The following DIS3 variants were observed in gnomAD, a reference collection of about 807,000 sequenced individuals.
The protein encoded by DIS3 is DIS3 exosome endoribonuclease and 3'-5' exoribonuclease.
A neutral mutation model predicts 113.0 loss-of-function variants in DIS3; 103 were observed. The observed-to-expected ratio is 0.91, with a 90% CI of 0.78 to 1.07. The LOEUF (loss-of-function observed/expected upper bound fraction) is 1.07, where lower values mean the gene tolerates loss of function less well. DIS3 is among the 50% of genes least tolerant of loss of function. DIS3 has a pLI of 0.00. For synonymous variants in DIS3, 402 were observed against 394.3 expected (o/e 1.02, Z -0.23); for missense variants, 1,121 against 1,167.1 (o/e 0.96, Z 0.58).
rs1358250635 is a variant in DIS3 at position 72,757,514 on chromosome 13, CT to C, written c.*2280del. On this transcript the variant is annotated 3_prime_UTR_variant, in exon 21 of 21. Transcript: ENST00000377767. ...AATCTCGGCTCACTGCAACTTCCGC[CT>C]CCCAGGTTCAAGCGATTCTCCTGCC... 1.3e-5 allele frequency: 2 copies of C among 153,482 alleles called. No individual in the cohort carries two copies. Among genetic ancestry groups the C allele is most frequent in the Non-Finnish European group, 2.9e-5 (2 of 69,294 alleles). 9.5% of individuals were successfully genotyped at this position (153,482 alleles called of 1,614,324 possible). A position where few individuals can be genotyped will look rare whatever the true frequency, so the allele number is the denominator to read the frequency against.
chr13:72,777,331 C>T, intron 4 of DIS3, 89 bp downstream of exon 4: 2 of 1,296,634 alleles, frequency 1.5e-6, no homozygotes, highest in Non-Finnish European at 2.2e-6. Context: ...CACCGACATT[C>T]CAATTTTTAA....
At chr13:72,769,683 T>G (rs535843682) in intron 13 of DIS3, among the ~76,000 whole-genome samples, 7 of 152,324 alleles carry the variant, frequency 4.6e-5, no homozygotes, top group African/African-American at 1.7e-4. Flanking sequence ...TCATATAATT[T>G]TGTTATACTG....
Position 72,774,149 on chromosome 13 carries a change from T to TA in DIS3, c.988-91dup, listed in dbSNP as rs1020828451. The TA allele has an allele frequency of 1.4e-4, 105 of 744,648 alleles. No individual in the cohort carries two copies. The African/African-American group carries it at 1.6e-3, about 11-fold the overall frequency. The allele number at this position is 744,648 out of a possible 1,614,324, so 46.1% of individuals were successfully genotyped here. A position where few individuals can be genotyped will look rare whatever the true frequency, so the allele number is the denominator to read the frequency against. On this transcript the variant is annotated intron_variant, in intron 6 of 20. Transcript: ENST00000377767. ...AAAATCAAAATGCATACATGGATAC[T>TA]AATCCATTCAGGCAGTAAATTATGA...
rs775501581 is a variant in DIS3, at chr13:72,773,962, T to A, written c.1085A>T (p.Lys362Met). 1.5e-5 allele frequency: 24 copies of A among 1,609,538 alleles called. No homozygotes were observed. The South Asian group carries it at 2.0e-4, about 13-fold the overall frequency. Residue 362 changes from lysine (K) to methionine (M), a missense_variant, in exon 7 of 21, where the codon AAG becomes ATG. Lys to Met is a moderately conservative substitution (Grantham distance 95, BLOSUM62 -1). Around this residue, in one of 3 missense-constraint regions of DIS3, gnomAD observed 861 missense variants for 915.5 expected, o/e 0.94. Coordinates refer to ENST00000377767, the MANE Select transcript of DIS3 (RefSeq NM_014953.5). ...TTTACTCACCTCCTTAATGTCAGAC[T>A]TGGAAAGCATGCCACAATATGGTCT... ...NWRPYCGMLSKSDIKESRRHL... is the reference protein window; with the variant it reads ...NWRPYCGMLSMSDIKESRRHL...
intron 14 of DIS3, among the ~76,000 whole-genome samples, chr13:72,767,153 G>A (rs1380785578): frequency 2.0e-5 from 3 of 151,994 alleles, no homozygotes; most frequent in Admixed American, 6.6e-5. Flanking sequence ...GAAGGCAAAA[G>A]ACGGTTTTTT....
In DIS3 at chr13:72,759,825, T is replaced by C. The variant is rs1181473254; in HGVS notation, c.2847A>G (p.Pro949=). 3.1e-6 allele frequency: 5 copies of C among 1,613,242 alleles called. No individual in the cohort carries two copies. The Admixed American group carries it at 5.0e-5, about 16-fold the overall frequency. Residue 949 remains proline (P), a synonymous_variant, in exon 21 of 21, where the codon CCA becomes CCG. Transcript: ENST00000377767. ...TTCCAAGCTTCATCTTCTTTTTCTT[T>C]GGTCCATTAAGGTCCATGTTTGAAG... The part of the protein sequence containing the change: ...TDTSNMDLNG[P]KKKKMKLGK
chr13:72,762,219 G>C, intron 16 of DIS3, 82 bp from the exon 17 acceptor site: 2 of 1,206,958 alleles, frequency 1.7e-6, no homozygotes, highest in South Asian at 1.4e-5. Context: ...TAACTGATCT[G>C]ACTGAACAAA....
chr13:72,760,701 C>T (rs766597422), intron 19 of DIS3, 50 bp from the exon 20 acceptor site: 1 of 1,592,024 alleles, frequency 6.3e-7, no homozygotes, highest in Non-Finnish European at 8.6e-7. Flanking sequence ...ACATTTGAGG[C>T]TTTGTTCTAA....
Position 72,760,522 on chromosome 13 carries a change from G to A in DIS3, c.2793+7C>T. ...TCACAACAAGGAAATTTTAAGTTTGGCCTTACCTGTGGTTCTACCAGGGAC... is the reference window on the plus strand; with the variant it reads ...TCACAACAAGGAAATTTTAAGTTTGACCTTACCTGTGGTTCTACCAGGGAC... On this transcript the variant is annotated splice_region_variant and intron_variant, in intron 20 of 20. Transcript: ENST00000377767. 6.2e-7 allele frequency: 1 copy of A among 1,613,220 alleles called. No homozygotes were observed. Among genetic ancestry groups the A allele is most frequent in the Non-Finnish European group, 8.5e-7 (1 of 1,179,510 alleles).
intron 3 of DIS3, 29 bp from the exon 4 acceptor site, chr13:72,777,522 A>T: frequency 1.2e-6 from 2 of 1,600,472 alleles, no homozygotes; most frequent in Non-Finnish European, 1.7e-6. Context: ...GTTGTTTTTG[A>T]TAAGTGTTTT....
chr13:72,755,943 G>T lies in DIS3; in HGVS notation c.*3852C>A. The T allele has an allele frequency of 2.5e-6, 1 of 398,612 alleles. No homozygotes were observed. The highest frequency in any genetic ancestry group is 4.4e-6 in the Non-Finnish European group (1 of 226,072). The allele number at this position is 398,612 out of a possible 1,614,324, so 24.7% of individuals were successfully genotyped here. Reference sequence around the variant, plus strand: ...CGTGGGTAGGGATGTGGGAGAATAAGAATGTGGGAGAACCAAGAGAAAAAG... The same window carrying T: ...CGTGGGTAGGGATGTGGGAGAATAATAATGTGGGAGAACCAAGAGAAAAAG... On this transcript the variant is annotated 3_prime_UTR_variant, in exon 21 of 21. Coordinates refer to ENST00000377767, the MANE Select transcript of DIS3 (RefSeq NM_014953.5).
chr13:72,776,713 T>C (rs2034026357), intron 4 of DIS3, among the ~76,000 whole-genome samples: 1 of 152,192 alleles, frequency 6.6e-6, no homozygotes, highest in Admixed American at 6.5e-5. Flanking sequence ...ACATTATATA[T>C]TTATATATAA....
intron 14 of DIS3, among the ~76,000 whole-genome samples, chr13:72,766,597 G>A (rs1342852070): frequency 1.3e-5 from 2 of 152,144 alleles, no homozygotes; most frequent in African/African-American, 2.4e-5. Flanking sequence ...AAGTAGTGAT[G>A]GCTATTAATA....
chr13:72,753,893 A>T lies in DIS3; in HGVS notation c.*5902T>A, dbSNP rs1172629668. The T allele has an allele frequency of 7.2e-6, 10 of 1,384,474 alleles. No individual in the cohort carries two copies. Among genetic ancestry groups the T allele is most frequent in the African/African-American group, 1.5e-5 (1 of 68,406 alleles). The allele number at this position is 1,384,474 out of a possible 1,614,324, so 85.8% of individuals were successfully genotyped here. A position where few individuals can be genotyped will look rare whatever the true frequency, so the allele number is the denominator to read the frequency against. ...TATAAAATAATTTTGATTATTAGAC[A>T]ATAGTACTATTGAGAAACTATATGA... On this transcript the variant is annotated 3_prime_UTR_variant, in exon 21 of 21. Coordinates refer to ENST00000377767, the MANE Select transcript of DIS3 (RefSeq NM_014953.5).
Position 72,761,736 on chromosome 13 carries a change from T to C in DIS3, c.2421A>G (p.Lys807=). Reference sequence around the variant, plus strand: ...TTTTACATATATCTGCAAGCTTGTGTTTGTCTGTCAACTCTGGATAAGTAC... The same window carrying C: ...TTTTACATATATCTGCAAGCTTGTGCTTGTCTGTCAACTCTGGATAAGTAC... ...ADCTYPELTD[K]HKLADICKNL... is the part of the protein sequence containing the mutation. Residue 807 remains lysine (K), a synonymous_variant, in exon 18 of 21, where the codon AAA becomes AAG. Coordinates refer to ENST00000377767, the MANE Select transcript of DIS3 (RefSeq NM_014953.5). The C allele has an allele frequency of 6.2e-7, 1 of 1,613,910 alleles. No individual in the cohort carries two copies. The highest frequency in any genetic ancestry group is 8.5e-7 in the Non-Finnish European group (1 of 1,179,984).
Position 72,755,346 on chromosome 13 carries a change from G to A in DIS3, c.*4449C>T. The A allele has an allele frequency of 2.9e-6, 2 of 681,118 alleles. No homozygotes were observed. Among genetic ancestry groups the A allele is most frequent in the Non-Finnish European group, 4.9e-6 (2 of 409,398 alleles). The allele number at this position is 681,118 out of a possible 1,614,324, so 42.2% of individuals were successfully genotyped here. ...ATGCTTAGCTTTCCCTCCTTAATGT[G>A]AAAAATCAAGGGCTTACTGACATAG... is the stretch of plus-strand genomic sequence containing the variant. On this transcript the variant is annotated 3_prime_UTR_variant, in exon 21 of 21. Transcript: ENST00000377767.
At position 72,753,932 on chromosome 13, in the gene DIS3, A is replaced by G; in HGVS notation, c.*5863T>C. The G allele has an allele frequency of 8.9e-7, 1 of 1,118,864 alleles. No homozygotes were observed. The highest frequency in any genetic ancestry group is 1.7e-5 in the South Asian group (1 of 57,572). The allele number at this position is 1,118,864 out of a possible 1,614,324, so 69.3% of individuals were successfully genotyped here. A position where few individuals can be genotyped will look rare whatever the true frequency, so the allele number is the denominator to read the frequency against. ...GAAACTATATGAAATTTAAAACACT[A>G]AAAGGTAAGCCTGTTTTCTTAACAT... On this transcript the variant is annotated 3_prime_UTR_variant, in exon 21 of 21. Transcript: ENST00000377767.
rs1442023065 is a variant in DIS3, at chr13:72,754,428, CCCT to C, written c.*5364_*5366del. On this transcript the variant is annotated 3_prime_UTR_variant, in exon 21 of 21. Coordinates refer to ENST00000377767, the MANE Select transcript of DIS3 (RefSeq NM_014953.5). ...GGGCTCAAGCAATCCTCCTGCCTCA[CCCT>C]CCTGAGTAGCTAGAACTACAGGTGT... 1.3e-5 allele frequency: 2 copies of C among 152,398 alleles called. No homozygotes were observed. Among genetic ancestry groups the C allele is most frequent in the Non-Finnish European group, 2.9e-5 (2 of 68,426 alleles). The allele number at this position is 152,398 out of a possible 1,614,324, so 9.4% of individuals were successfully genotyped here.
intron 10 of DIS3, 89 bp downstream of exon 10, chr13:72,772,070 A>T: frequency 7.8e-7 from 1 of 1,282,834 alleles, no homozygotes; most frequent in Non-Finnish European, 1.1e-6. Flanking sequence ...TCACAAGAGT[A>T]ATTAACAAGC....
Sources: allele counts gnomAD v4.1 joint callset (sites outside exome capture counted in the v4.1 genomes callset), GRCh38; gene constraint gnomAD v4.1.1; regional missense constraint gnomAD v4.1.1; transcripts MANE v1.5; gene names NCBI Gene and HGNC (gene_info 2026-07-23, HGNC 2026-07-21).